Variants in LINGO2 observed in about 807,000 individuals in gnomAD.
LINGO2 encodes leucine rich repeat and Ig domain containing 2, also known as leucine-rich repeat and immunoglobulin-like domain-containing nogo receptor-interacting protein 2.
In LINGO2, 14 loss-of-function variants were observed where a neutral mutation model predicts 30.6. That is an observed-to-expected ratio of 0.46 (90% confidence interval 0.30 to 0.72). The LOEUF (loss-of-function observed/expected upper bound fraction) is 0.72. Ranked by LOEUF, LINGO2 falls within the 30% of genes least tolerant of loss-of-function variation. LINGO2 has a pLI of 0.07. For synonymous variants in LINGO2, 317 were observed against 288.5 expected, an observed-to-expected ratio of 1.10 and a Z score of -1.00; for missense variants, 729 against 751.7, an observed-to-expected ratio of 0.97 and a Z score of 0.35.
At chr9:28,895,351 G>T in the LINGO2 span, among the ~76,000 whole-genome samples, 25 of 152,246 alleles carry the variant, frequency 1.6e-4, no homozygotes, top group Admixed American at 1.5e-3. Context: ...ACACTTGCAT[G>T]CCTGAGAACA....
intron 4 of LINGO2, among the ~76,000 whole-genome samples, chr9:28,100,714 C>G (rs1473709224): frequency 1.3e-5 from 2 of 152,136 alleles, no homozygotes; most frequent in Non-Finnish European, 2.9e-5. Context: ...TTATTCATCT[C>G]AGGGATTATT....
intron 1 of LINGO2, among the ~76,000 whole-genome samples, chr9:28,600,979 A>C (rs1825439978): frequency 6.6e-6 from 1 of 152,158 alleles, no homozygotes; most frequent in African/African-American, 2.4e-5. Context: ...AATAAAAATT[A>C]ATATGTTTTG....
chr9:28,908,642 C>A, the LINGO2 span, among the ~76,000 whole-genome samples: 1 of 151,658 alleles, frequency 6.6e-6, no homozygotes, highest in South Asian at 2.1e-4. Context: ...TGGGGAAAAC[C>A]AAAAGGAAAA....
the LINGO2 span, among the ~76,000 whole-genome samples, chr9:28,720,441 G>A: frequency 1.3e-5 from 2 of 151,924 alleles, no homozygotes; most frequent in African/African-American, 4.8e-5. Flanking sequence ...CTGTTTACTG[G>A]ACTGTGCCAC....
At chr9:28,910,638 T>C in the LINGO2 span, among the ~76,000 whole-genome samples, 1 of 152,092 alleles carries the variant, frequency 6.6e-6, no homozygotes, top group Admixed American at 6.6e-5. Context: ...GTCTCTCTTC[T>C]GCCAGCCATG....
In LINGO2 at chr9:28,231,859, T is replaced by C. The variant is rs78603700; in HGVS notation, c.-87+63349A>G. Among the ~76,000 whole-genome samples the C allele has an allele frequency of 2.3e-3, 355 of 152,258 alleles. 2 individuals carry two copies. Among genetic ancestry groups the C allele is most frequent in the African/African-American group, 7.2e-3 (301 of 41,558 alleles). ...AATGGAAAGATAAAAAATATCCTGATTGCTAGGCATCTTAAAAAAAGGATA... is the reference window on the plus strand; with the variant it reads ...AATGGAAAGATAAAAAATATCCTGACTGCTAGGCATCTTAAAAAAAGGATA... On this transcript the variant is annotated intron_variant, in intron 4 of 5. Coordinates refer to ENST00000379992, the Ensembl canonical transcript of LINGO2.
intron 4 of LINGO2, among the ~76,000 whole-genome samples, chr9:28,097,768 T>C (rs1013480757): frequency 3.3e-5 from 5 of 151,488 alleles, no homozygotes; most frequent in African/African-American, 1.2e-4. Context: ...CACACCCGCA[T>C]GGCACATGTA....
intron 1 of LINGO2, among the ~76,000 whole-genome samples, chr9:28,627,562 C>T (rs1466933109): frequency 6.6e-6 from 1 of 151,958 alleles, no homozygotes; most frequent in African/African-American, 2.4e-5. Context: ...TAGGTCTCAT[C>T]TTATTTCCAT....
At chr9:28,239,602 C>T (rs145368852) in intron 4 of LINGO2, among the ~76,000 whole-genome samples, 18 of 152,030 alleles carry the variant, frequency 1.2e-4, no homozygotes, top group African/African-American at 3.6e-4. Context: ...TAATAAAAAC[C>T]CTCAACAGTT....
chr9:28,467,219 G>T (rs1564218082), intron 2 of LINGO2, among the ~76,000 whole-genome samples: 1 of 151,996 alleles, frequency 6.6e-6, no homozygotes. Flanking sequence ...TAGAGATGGG[G>T]TTTCACCGTG....
the LINGO2 span, among the ~76,000 whole-genome samples, chr9:28,677,617 ACTGT>A: frequency 6.6e-6 from 1 of 152,110 alleles, no homozygotes; most frequent in South Asian, 2.1e-4. Context: ...CTTCAACTAT[ACTGT>A]CTAACGCTCT....
chr9:28,882,892 T>A, the LINGO2 span, among the ~76,000 whole-genome samples: 3 of 152,234 alleles, frequency 2.0e-5, no homozygotes, highest in Non-Finnish European at 4.4e-5. Context: ...CATCTTCTCC[T>A]GAGCTATTGT....
chr9:28,475,050 G>A (rs1354379211), intron 2 of LINGO2, among the ~76,000 whole-genome samples: 2 of 151,882 alleles, frequency 1.3e-5, no homozygotes, highest in African/African-American at 4.8e-5. Flanking sequence ...AACCCACAGA[G>A]AGTCTGAGAA....
chr9:28,633,816 A>G (rs1200836337), intron 1 of LINGO2, among the ~76,000 whole-genome samples: 2 of 152,234 alleles, frequency 1.3e-5, no homozygotes, highest in Non-Finnish European at 2.9e-5. Flanking sequence ...TGACAGCCCC[A>G]AAGCCTGGAA....
At chr9:28,909,525 G>A in the LINGO2 span, among the ~76,000 whole-genome samples, 2 of 151,894 alleles carry the variant, frequency 1.3e-5, no homozygotes, top group African/African-American at 4.8e-5. Context: ...AAGAACAAAT[G>A]GAATACTTAA....
intron 4 of LINGO2, among the ~76,000 whole-genome samples, chr9:28,028,607 A>T (rs1197924): frequency 0.83 from 125,525 of 152,090 alleles, 52,033 homozygotes; most frequent in Admixed American, 0.88. Context: ...CAAAACCAGA[A>T]GATGCTCAAG....
chr9:28,182,014 TA>T (rs1276524438), intron 4 of LINGO2, among the ~76,000 whole-genome samples: 3 of 150,508 alleles, frequency 2.0e-5, no homozygotes, highest in Admixed American at 1.3e-4. Context: ...AAGACAACCC[TA>T]AAAAAAAAGA....
At chr9:29,149,916 T>G in the LINGO2 span, among the ~76,000 whole-genome samples, 1 of 152,176 alleles carries the variant, frequency 6.6e-6, no homozygotes, top group Admixed American at 6.5e-5. Flanking sequence ...CAGACCTTCT[T>G]GCCCACCAGC....
At chr9:27,948,201 C>G (rs1002218449) in exon 6 of LINGO2, 30 of 152,224 alleles carry the variant, frequency 2.0e-4, no homozygotes, top group African/African-American at 7.0e-4. Context: ...CTCAAAATAT[C>G]TCCGCCCATA....
Sources: allele counts gnomAD v4.1 joint callset (sites outside exome capture counted in the v4.1 genomes callset), GRCh38; gene constraint gnomAD v4.1.1; transcripts MANE v1.5; gene names NCBI Gene and HGNC (gene_info 2026-07-23, HGNC 2026-07-21).